The following UGGT2 variants were observed in gnomAD, a reference collection of about 807,000 sequenced individuals.
The protein encoded by UGGT2 is UDP-glucose glycoprotein glucosyltransferase 2.
Under a neutral mutation model 192.1 loss-of-function variants are expected in UGGT2, and 180 were observed. The observed-to-expected ratio is 0.94, with a 90% CI of 0.83 to 1.06. The LOEUF is 1.06. Among genes scored for constraint, UGGT2 ranks in the 50% least tolerant of loss-of-function variants. UGGT2 has a pLI of 0.00. For synonymous variants in UGGT2, 580 were observed against 591.0 expected (o/e 0.98, Z 0.27); for missense variants, 1,849 against 1,795.7 (o/e 1.03, Z -0.54).
chr13:95,908,493 T>C (rs1003781585), intron 20 of UGGT2, among the ~76,000 whole-genome samples: 1 of 152,186 alleles, frequency 6.6e-6, no homozygotes, highest in Non-Finnish European at 1.5e-5. Flanking sequence ...TAAGGGCATT[T>C]CCAGTTCTAG....
chr13:95,837,689 T>A (rs979625544), intron 36 of UGGT2, among the ~76,000 whole-genome samples: 24 of 152,328 alleles, frequency 1.6e-4, no homozygotes, highest in Middle Eastern at 3.4e-3. Context: ...TTAATGGATG[T>A]TTGACTGGCA....
At chr13:95,898,917 TAC>T (rs1263909385) in intron 22 of UGGT2, among the ~76,000 whole-genome samples, 1 of 152,166 alleles carries the variant, frequency 6.6e-6, no homozygotes, top group East Asian at 1.9e-4. Flanking sequence ...GGTATTTTGT[TAC>T]AGCAGCACAA....
At chr13:95,885,836 G>A (rs920454770) in intron 26 of UGGT2, among the ~76,000 whole-genome samples, 4 of 152,142 alleles carry the variant, frequency 2.6e-5, no homozygotes, top group African/African-American at 9.7e-5. Flanking sequence ...CAATTTCAGT[G>A]GCAAAGAGAA....
intron 1 of UGGT2, among the ~76,000 whole-genome samples, chr13:96,052,160 A>C (rs1236306801): frequency 6.6e-6 from 1 of 152,270 alleles, no homozygotes; most frequent in Non-Finnish European, 1.5e-5. Flanking sequence ...AATTAATGGC[A>C]TTCACAGCAA....
chr13:95,915,921 T>C (rs1197879951), intron 20 of UGGT2, among the ~76,000 whole-genome samples: 1 of 152,070 alleles, frequency 6.6e-6, no homozygotes, highest in Non-Finnish European at 1.5e-5. Flanking sequence ...GAGTTCCCAG[T>C]GGGAGAAGCG....
chr13:95,987,460 C>T (rs553392975), intron 8 of UGGT2, among the ~76,000 whole-genome samples: 1 of 152,214 alleles, frequency 6.6e-6, no homozygotes, highest in South Asian at 2.1e-4. Flanking sequence ...ATCACTTATA[C>T]TTTTCTAAAT....
chr13:95,828,711 C>G (rs1298418039), intron 38 of UGGT2, among the ~76,000 whole-genome samples: 1 of 152,036 alleles, frequency 6.6e-6, no homozygotes, highest in Non-Finnish European at 1.5e-5. Flanking sequence ...CAGGACCAGA[C>G]GGATTCACAG....
intron 38 of UGGT2, among the ~76,000 whole-genome samples, chr13:95,825,671 G>A (rs942641494): frequency 6.6e-6 from 1 of 152,136 alleles, no homozygotes; most frequent in Admixed American, 6.6e-5. Context: ...TGTCTGCAGT[G>A]GTGGACAAGG....
intron 22 of UGGT2, 62 bp downstream of exon 22, chr13:95,900,745 A>AAAG: frequency 6.7e-7 from 1 of 1,494,610 alleles, no homozygotes; most frequent in Non-Finnish European, 8.9e-7. Context: ...GTGACAGAAA[A>AAAG]AAGGCAGACC....
intron 27 of UGGT2, among the ~76,000 whole-genome samples, chr13:95,881,349 T>A (rs146595510): frequency 1.6e-3 from 247 of 152,268 alleles, no homozygotes; most frequent in African/African-American, 5.5e-3. Flanking sequence ...TTGTTAAGGT[T>A]TTGTTTAAAT....
intron 20 of UGGT2, among the ~76,000 whole-genome samples, chr13:95,923,368 CTTTT>C (rs67003679): frequency 1.7e-5 from 2 of 119,654 alleles, no homozygotes; most frequent in Non-Finnish European, 3.4e-5. Context: ...TCAGCATATT[CTTTT>C]TTTTTTTTTT....
chr13:95,933,094 G>A (rs2049342141), intron 17 of UGGT2, among the ~76,000 whole-genome samples: 1 of 152,178 alleles, frequency 6.6e-6, no homozygotes, highest in Admixed American at 6.5e-5. Context: ...AGGTTTTGCA[G>A]AATGAGTTAG....
chr13:96,015,996 T>C (rs1483933718), intron 4 of UGGT2, among the ~76,000 whole-genome samples: 5 of 152,222 alleles, frequency 3.3e-5, no homozygotes, highest in Non-Finnish European at 1.5e-5. Context: ...AGCAAATAAC[T>C]TGGCTGCATT....
At chr13:95,890,119 T>G (rs139520262) in intron 25 of UGGT2, among the ~76,000 whole-genome samples, 8 of 152,300 alleles carry the variant, frequency 5.3e-5, no homozygotes, top group Non-Finnish European at 8.8e-5. Flanking sequence ...GCCAAACCTA[T>G]AGAATACAAA....
intron 12 of UGGT2, among the ~76,000 whole-genome samples, chr13:95,956,506 A>AATAG (rs1228316154): frequency 6.6e-6 from 1 of 152,246 alleles, no homozygotes; most frequent in Non-Finnish European, 1.5e-5. Context: ...AAAGGACTTG[A>AATAG]ATAGATATTC....
At position 95,927,094 on chromosome 13, in the gene UGGT2, AG is replaced by A; in HGVS notation, c.2133del (p.Phe713SerfsTer10). 6.2e-7 allele frequency: 1 copy of A among 1,611,466 alleles called. No individual in the cohort carries two copies. Among genetic ancestry groups the A allele is most frequent in the Non-Finnish European group, 8.5e-7 (1 of 1,179,250 alleles). ...CTCTTATCTTGTGAATCCAAGAAAA[AG>A]AAAGTAGAGAAATCTTCAACATCAG... The part of the protein sequence containing the change: ...VTADVEDFST[F>X]FFLDSQDKSA... On this transcript the variant is annotated frameshift_variant, in exon 19 of 39. Transcript: ENST00000376747. LOFTEE classifies it high-confidence loss of function.
chr13:95,821,583 G>T (rs556560075), intron 38 of UGGT2, among the ~76,000 whole-genome samples: 3 of 151,890 alleles, frequency 2.0e-5, no homozygotes, highest in East Asian at 1.9e-4. Context: ...TTTTAATTAG[G>T]TCCCATTTAC....
At chr13:95,801,984 A>G (rs531329034) in intron 38 of UGGT2, among the ~76,000 whole-genome samples, 172 bp from the exon 39 acceptor site, 1 of 152,306 alleles carries the variant, frequency 6.6e-6, no homozygotes, top group Middle Eastern at 3.4e-3. Flanking sequence ...GTACACTGTG[A>G]TGTCTATTAT....
At chr13:95,853,958 T>C (rs1480398514) in intron 35 of UGGT2, among the ~76,000 whole-genome samples, 3 of 152,168 alleles carry the variant, frequency 2.0e-5, no homozygotes, top group African/African-American at 4.8e-5. Flanking sequence ...TAATTTTATT[T>C]CACAAACCAA....
Sources: gnomAD v4.1 joint callset for allele counts (sites outside exome capture counted in the v4.1 genomes callset) on GRCh38, gnomAD v4.1.1 for gene constraint, MANE v1.5 for transcripts, NCBI Gene and HGNC (gene_info 2026-07-23, HGNC 2026-07-21) for gene names.